EDARADD: variants seen among roughly 807,000 people sequenced by gnomAD.
The protein encoded by EDARADD is EDAR associated via death domain, also known as ectodysplasin-A receptor-associated adapter protein.
A neutral mutation model predicts 25.6 loss-of-function variants in EDARADD; 20 were observed. The ratio of observed to expected loss-of-function variants is 0.78; its 90% CI spans 0.55 to 1.14. The LOEUF (loss-of-function observed/expected upper bound fraction) is 1.14. EDARADD is among the 50% of genes most tolerant of loss of function. The pLI is 0.00. For missense variants in EDARADD, 225 were observed against 270.1 expected, an observed-to-expected ratio of 0.83 and a Z score of 1.17; for synonymous variants, 86 against 94.4, an observed-to-expected ratio of 0.91 and a Z score of 0.52.
At chr1:236,478,061 C>G (rs991937102) in intron 5 of EDARADD, among the ~76,000 whole-genome samples, 4 of 151,904 alleles carry the variant, frequency 2.6e-5, no homozygotes, top group African/African-American at 9.7e-5. Flanking sequence ...TGAGATTGTG[C>G]CACTGCACTC....
Position 236,405,922 on chromosome 1 carries a change from TTTCTCTTTCC to T in EDARADD, c.62-3291_62-3282del, listed in dbSNP as rs1667724744. On this transcript the variant is annotated intron_variant, in intron 1 of 5. Transcript: ENST00000334232. ...CTTTCTTTCTTTCTTTCTTTCTTTC[TTTCTCTTTCC>T]TTTTTTTTTTCTGCTCATTCTAATT... is the stretch of plus-strand genomic sequence containing the variant. 1.0e-4 allele frequency among the ~76,000 whole-genome samples: 6 copies of T among 57,652 alleles called. No individual in the cohort carries two copies. In the South Asian group the frequency reaches 3.0e-3, roughly 29 times the overall value. 37.8% of individuals were successfully genotyped at this position (57,652 alleles called of 152,430 possible). A position where few individuals can be genotyped will look rare whatever the true frequency, so the allele number is the denominator to read the frequency against.
At chr1:236,377,948 A>G (rs887376828) in intron 3 of EDARADD, among the ~76,000 whole-genome samples, 1 of 152,178 alleles carries the variant, frequency 6.6e-6, no homozygotes, top group African/African-American at 2.4e-5. Flanking sequence ...TGGACATGAT[A>G]TACTGGGTAA....
intron 3 of EDARADD, among the ~76,000 whole-genome samples, chr1:236,356,817 C>T: frequency 6.6e-6 from 1 of 152,138 alleles, no homozygotes; most frequent in East Asian, 1.9e-4. Flanking sequence ...GGGGTGGTGG[C>T]TCACACCTGT....
In EDARADD at chr1:236,483,806, T is replaced by C. The variant is rs1659753489; in HGVS notation, c.*1157T>C. The C allele has an allele frequency of 2.8e-6, 4 of 1,439,346 alleles. No homozygotes were observed. In the Admixed American group the frequency reaches 6.7e-5, roughly 24 times the overall value. The allele number at this position is 1,439,346 out of a possible 1,614,324, so 89.2% of individuals were successfully genotyped here. On this transcript the variant is annotated 3_prime_UTR_variant, in exon 6 of 6. Coordinates refer to ENST00000334232, the MANE Select transcript of EDARADD (RefSeq NM_145861.4). Reference sequence around the variant, plus strand: ...GTGTGGGGGATGGAGGCGCGTTTGCTCCCAACATCCTGGAGAATAAAGAAG... The same window carrying C: ...GTGTGGGGGATGGAGGCGCGTTTGCCCCCAACATCCTGGAGAATAAAGAAG...
upstream of EDARADD, among the ~76,000 whole-genome samples, chr1:236,390,278 G>A (rs1264849859): frequency 1.3e-5 from 2 of 152,110 alleles, no homozygotes; most frequent in Admixed American, 6.6e-5. Context: ...ACTCATGGCC[G>A]GGCGTGGTGG....
chr1:236,364,812 A>G (rs762314858), intron 3 of EDARADD, among the ~76,000 whole-genome samples: 7 of 152,238 alleles, frequency 4.6e-5, no homozygotes, highest in Non-Finnish European at 8.8e-5. Context: ...CATTTTCTAC[A>G]TAGATATCAT....
At chr1:236,436,199 C>T (rs1658245993) in intron 4 of EDARADD, among the ~76,000 whole-genome samples, 1 of 151,820 alleles carries the variant, frequency 6.6e-6, no homozygotes, top group Admixed American at 6.6e-5. Context: ...ACTCTGTCGC[C>T]CAGGCTGGAG....
At chr1:236,420,243 T>C (rs912890891) in intron 3 of EDARADD, among the ~76,000 whole-genome samples, 49 of 152,158 alleles carry the variant, frequency 3.2e-4, no homozygotes, top group African/African-American at 1.2e-3. Context: ...ATCAAATGGC[T>C]TAATCAATCA....
chr1:236,414,869 A>C, intron 3 of EDARADD, among the ~76,000 whole-genome samples: 1 of 152,056 alleles, frequency 6.6e-6, no homozygotes, highest in East Asian at 1.9e-4. Context: ...TCCATCTCAA[A>C]AAAAAGAAAA....
rs567089538 is a variant in EDARADD, at chr1:236,395,712, G to A, written c.61+1207G>A. 15 of 1,528,650 alleles carry A rather than the reference G, an allele frequency of 9.8e-6. No individual in the cohort carries two copies. The African/African-American group carries it at 2.0e-4, about 20-fold the overall frequency. 94.7% of individuals were successfully genotyped at this position (1,528,650 alleles called of 1,614,324 possible). ...TCCTGGAGCGAGCACCGCGGGGCGG[G>A]AGCTCGGGAGGCGCTCGCAGCAGCC... On this transcript the variant is annotated intron_variant, in intron 1 of 5. Transcript: ENST00000334232. The surrounding 1 kb of genome is among the most constrained non-coding windows in gnomAD (Gnocchi z 6.9).
upstream of EDARADD, among the ~76,000 whole-genome samples, chr1:236,391,128 A>T (rs112946848): frequency 9.2e-3 from 1,404 of 151,944 alleles, 12 homozygotes; most frequent in Non-Finnish European, 0.013. Flanking sequence ...AATTATTTTA[A>T]GACCGGTCCC....
chr1:236,482,881 A>G lies in EDARADD; in HGVS notation c.*232A>G, dbSNP rs1558140486. ...TATTCAAATCTGGAATTAAGAAAAC[A>G]TATTTTCTAGTATCCTCTAAGGGCC... On this transcript the variant is annotated 3_prime_UTR_variant, in exon 6 of 6. Transcript: ENST00000334232. The G allele has an allele frequency of 3.1e-6, 2 of 651,580 alleles. No homozygotes were observed. Among genetic ancestry groups the G allele is most frequent in the Non-Finnish European group, 5.2e-6 (2 of 385,284 alleles). The allele number at this position is 651,580 out of a possible 1,614,324, so 40.4% of individuals were successfully genotyped here. A position where few individuals can be genotyped will look rare whatever the true frequency, so the allele number is the denominator to read the frequency against.
At chr1:236,459,773 C>T (rs1658989346) in intron 4 of EDARADD, among the ~76,000 whole-genome samples, 1 of 152,004 alleles carries the variant, frequency 6.6e-6, no homozygotes, top group Non-Finnish European at 1.5e-5. Flanking sequence ...CCGCCACACC[C>T]AGCCAATTTT....
chr1:236,478,701 C>G (rs575250305), intron 5 of EDARADD, among the ~76,000 whole-genome samples: 2 of 152,276 alleles, frequency 1.3e-5, no homozygotes, highest in East Asian at 3.9e-4. Flanking sequence ...ATTCTCCTGC[C>G]TCAGCCTCCT....
chr1:236,428,490 C>G (rs1310900116), intron 4 of EDARADD, among the ~76,000 whole-genome samples: 6 of 152,172 alleles, frequency 3.9e-5, no homozygotes, highest in African/African-American at 1.2e-4. Context: ...GTTGGGTACA[C>G]CGCCCAGACG....
At chr1:236,385,346 T>C (rs578044758) in intron 3 of EDARADD, among the ~76,000 whole-genome samples, 2 of 147,838 alleles carry the variant, frequency 1.4e-5, no homozygotes, top group African/African-American at 5.1e-5. Flanking sequence ...GAGGTGGAGC[T>C]TGCAGTGAGC....
intron 1 of EDARADD, among the ~76,000 whole-genome samples, chr1:236,402,701 C>T (rs1361795818): frequency 6.6e-6 from 1 of 152,112 alleles, no homozygotes; most frequent in East Asian, 1.9e-4. Context: ...TGTCAGCCAC[C>T]ACACCTGGCC....
upstream of EDARADD, among the ~76,000 whole-genome samples, chr1:236,393,391 C>CTTTTTTTTTTTTTTTTTT (rs761525038): frequency 5.0e-4 from 44 of 87,198 alleles, 2 homozygotes; most frequent in African/African-American, 2.1e-3. Flanking sequence ...TTCTTTCTTT[C>CTTTTTTTTTTTTTTTTTT]TTTTTTTTTT....
intron 3 of EDARADD, among the ~76,000 whole-genome samples, chr1:236,417,118 AAATAAAT>A (rs1657658595): frequency 4.3e-5 from 1 of 23,358 alleles, no homozygotes; most frequent in Non-Finnish European, 1.6e-4. Context: ...CCTGTCTCAA[AAATAAAT>A]AAATAAATAA....
Sources: gnomAD v4.1 joint callset for allele counts (sites outside exome capture counted in the v4.1 genomes callset) on GRCh38, gnomAD v4.1.1 for gene constraint, Gnocchi (gnomAD v3.1) non-coding constraint, MANE v1.5 for transcripts, NCBI Gene and HGNC (gene_info 2026-07-23, HGNC 2026-07-21) for gene names.